The following NR3C1 variants were observed in gnomAD, a reference collection of about 807,000 sequenced individuals.
The protein encoded by NR3C1 is nuclear receptor subfamily 3 group C member 1.
NR3C1 carries 14 observed loss-of-function variants against 74.0 expected under a neutral mutation model. The ratio of observed to expected loss-of-function variants is 0.19; its 90% confidence interval spans 0.12 to 0.30. The LOEUF (loss-of-function observed/expected upper bound fraction) is 0.30, where lower values mean the gene tolerates loss of function less well. Ranked by LOEUF, NR3C1 falls within the 10% of genes least tolerant of loss-of-function variation. The probability of loss-of-function intolerance (pLI) is 1.00; values close to 1 mark genes in which losing one functional copy is unlikely to be tolerated. For missense variants in NR3C1, 695 were observed against 909.8 expected (o/e 0.76, Z 3.04); for synonymous variants, 308 against 332.5 (o/e 0.93, Z 0.80).
At chr5:143,414,299 G>A (rs1376254178) in intron 1 of NR3C1, among the ~76,000 whole-genome samples, 1 of 152,106 alleles carries the variant, frequency 6.6e-6, no homozygotes, top group Non-Finnish European at 1.5e-5. Context: ...GGGTATAGGC[G>A]GCTGCAGTGA....
At chr5:143,361,935 G>A (rs1008438358) in intron 2 of NR3C1, among the ~76,000 whole-genome samples, 10 of 152,240 alleles carry the variant, frequency 6.6e-5, no homozygotes, top group Non-Finnish European at 1.5e-4. Flanking sequence ...TGGTCAATAC[G>A]AATTCATTTC....
Position 143,279,199 on chromosome 5 carries a change from C to T in NR3C1, c.*2690G>A. ...AACATAATTAAGATGACTTTCTTTT[C>T]CCCCACGTATCCTAAAAGGGCACAG... On this transcript the variant is annotated 3_prime_UTR_variant, in exon 9 of 9. Coordinates refer to ENST00000394464, the MANE Select transcript of NR3C1 (RefSeq NM_000176.3). The T allele has an allele frequency of 4.2e-6, 3 of 722,362 alleles. No homozygotes were observed. The highest frequency in any genetic ancestry group is 6.5e-6 in the Non-Finnish European group (3 of 459,410). The allele number at this position is 722,362 out of a possible 1,614,324, so 44.7% of individuals were successfully genotyped here. A position where few individuals can be genotyped will look rare whatever the true frequency, so the allele number is the denominator to read the frequency against.
At chr5:143,328,914 A>C (rs1156503912) in intron 2 of NR3C1, among the ~76,000 whole-genome samples, 1 of 152,114 alleles carries the variant, frequency 6.6e-6, no homozygotes, top group Admixed American at 6.6e-5. Flanking sequence ...GGACGTTCCA[A>C]ACTTTCCTAT....
At position 143,300,442 on chromosome 5, in the gene NR3C1, C is replaced by T; in HGVS notation, c.1747+43G>A. ...GCCAAAGTGTTTTTGCTGAAGAAAA[C>T]ACAAAGGTTTATATAGTTGCTCTTT... On this transcript the variant is annotated intron_variant, in intron 5 of 8. Coordinates refer to ENST00000394464, the MANE Select transcript of NR3C1 (RefSeq NM_000176.3). The surrounding 1 kb of genome is among the most constrained non-coding windows in gnomAD (Gnocchi z 5.2). 5.0e-6 allele frequency: 8 copies of T among 1,613,576 alleles called. No individual in the cohort carries two copies. The highest frequency in any genetic ancestry group is 6.8e-6 in the Non-Finnish European group (8 of 1,179,614).
intron 2 of NR3C1, among the ~76,000 whole-genome samples, chr5:143,317,450 TAAG>T (rs1033811928): frequency 9.8e-5 from 15 of 152,292 alleles, no homozygotes; most frequent in Admixed American, 7.2e-4. Context: ...CTGAGAATGT[TAAG>T]AAGTTCCATT....
At chr5:143,428,765 T>C (rs1435009037) in intron 1 of NR3C1, among the ~76,000 whole-genome samples, 1 of 152,206 alleles carries the variant, frequency 6.6e-6, no homozygotes, top group Non-Finnish European at 1.5e-5. Context: ...GAAATGATTT[T>C]GTTCATCAGC....
chr5:143,278,008 A>G lies in NR3C1; in HGVS notation c.*3881T>C, dbSNP rs1360224760. 1 of 152,206 alleles carries G rather than the reference A, an allele frequency of 6.6e-6. No individual in the cohort carries two copies. Among genetic ancestry groups the G allele is most frequent in the East Asian group, 1.9e-4 (1 of 5,204 alleles). 9.4% of individuals were successfully genotyped at this position (152,206 alleles called of 1,614,324 possible). On this transcript the variant is annotated 3_prime_UTR_variant, in exon 9 of 9. Coordinates refer to ENST00000394464, the MANE Select transcript of NR3C1 (RefSeq NM_000176.3). The stretch of plus-strand genomic sequence containing the variant: ...TGTAAATGGCTAACATTTACTGCCA[A>G]TTCGGTACAAATGTGTGGTTTGGTA...
chr5:143,363,714 T>C (rs1190167502), intron 2 of NR3C1, among the ~76,000 whole-genome samples: 1 of 151,942 alleles, frequency 6.6e-6, no homozygotes, highest in Non-Finnish European at 1.5e-5. Flanking sequence ...ATGATAAAAC[T>C]GAACCAAAGA....
At chr5:143,378,774 A>G (rs1210993336) in intron 2 of NR3C1, among the ~76,000 whole-genome samples, 1 of 152,148 alleles carries the variant, frequency 6.6e-6, no homozygotes, top group African/African-American at 2.4e-5. Flanking sequence ...ATGTGATTTT[A>G]TTTCTATATG....
intron 2 of NR3C1, among the ~76,000 whole-genome samples, chr5:143,395,566 T>G (rs930741074): frequency 6.6e-6 from 1 of 151,846 alleles, no homozygotes; most frequent in African/African-American, 2.4e-5. Flanking sequence ...CTCAGAAGGG[T>G]AAATGCTATT....
chr5:143,410,698 G>T (rs1238552088), intron 1 of NR3C1, among the ~76,000 whole-genome samples: 3 of 152,158 alleles, frequency 2.0e-5, no homozygotes, highest in African/African-American at 7.2e-5. Context: ...GGGATCATGT[G>T]TTCAAACGTT....
chr5:143,299,078 C>T (rs1817933121), intron 5 of NR3C1, among the ~76,000 whole-genome samples: 1 of 147,862 alleles, frequency 6.8e-6, no homozygotes, highest in African/African-American at 2.5e-5. Flanking sequence ...GCAATGGTGC[C>T]ATCTCGGCTC....
intron 2 of NR3C1, among the ~76,000 whole-genome samples, chr5:143,367,979 T>C (rs1833554649): frequency 6.6e-6 from 1 of 152,174 alleles, no homozygotes; most frequent in African/African-American, 2.4e-5. Flanking sequence ...AAGACTCACA[T>C]TTCCCAATTT....
chr5:143,385,544 T>C (rs1345202622), intron 2 of NR3C1, among the ~76,000 whole-genome samples: 1 of 152,246 alleles, frequency 6.6e-6, no homozygotes, highest in East Asian at 1.9e-4. Flanking sequence ...TTGAATGCTT[T>C]GCTACTTAGA....
rs542042487 is a variant in NR3C1, at chr5:143,341,375, C to T, written c.1185-27207G>A. Among the ~76,000 whole-genome samples the T allele has an allele frequency of 1.4e-3, 216 of 152,304 alleles. 2 individuals are homozygous for T. The highest frequency in any genetic ancestry group is 5.1e-3 in the African/African-American group (212 of 41,546). ...ATGGCTTATAGCAAAAGGAGACATT[C>T]TATTTAAGCAAAGTTATTAGAACAA... On this transcript the variant is annotated intron_variant, in intron 2 of 8. Coordinates refer to ENST00000394464, the MANE Select transcript of NR3C1 (RefSeq NM_000176.3).
At chr5:143,365,618 T>C (rs1462111153) in intron 2 of NR3C1, among the ~76,000 whole-genome samples, 1 of 152,140 alleles carries the variant, frequency 6.6e-6, no homozygotes, top group Non-Finnish European at 1.5e-5. Flanking sequence ...AACAACTAGA[T>C]AGAAATCTGC....
intron 1 of NR3C1, chr5:143,402,911 G>T: frequency 1.1e-6 from 1 of 889,824 alleles, no homozygotes; most frequent in Non-Finnish European, 1.3e-6. Context: ...GGATTCCCGC[G>T]AGGAATGAGA....
chr5:143,434,576 T>C, exon 1 of NR3C1: 1 of 985,454 alleles, frequency 1.0e-6, no homozygotes, highest in Non-Finnish European at 1.2e-6. Flanking sequence ...TCTTTGTTCT[T>C]TGAGGAAAGG....
At chr5:143,419,540 G>A (rs1054317168) in intron 1 of NR3C1, among the ~76,000 whole-genome samples, 7 of 152,094 alleles carry the variant, frequency 4.6e-5, no homozygotes, top group East Asian at 1.9e-4. Context: ...AAAGCTGGGC[G>A]TCTGGGGGAG....
Sources: gnomAD v4.1 joint callset for allele counts (sites outside exome capture counted in the v4.1 genomes callset) on GRCh38, gnomAD v4.1.1 for gene constraint, Gnocchi (gnomAD v3.1) non-coding constraint, MANE v1.5 for transcripts, NCBI Gene and HGNC (gene_info 2026-07-23, HGNC 2026-07-21) for gene names.